Variants in RUNX1 observed in about 807,000 individuals in gnomAD.
RUNX1 encodes the protein RUNX family transcription factor 1.
Under a neutral mutation model 42.8 loss-of-function variants are expected in RUNX1, and 19 were observed. The ratio of observed to expected loss-of-function variants is 0.44; its 90% CI spans 0.31 to 0.65. RUNX1 has a LOEUF of 0.65. RUNX1 is among the 30% of genes least tolerant of loss of function. The pLI is 0.07. For synonymous variants in RUNX1, 271 were observed against 289.4 expected (o/e 0.94, Z 0.64); for missense variants, 528 against 672.0 (o/e 0.79, Z 2.37).
chr21:34,987,190 G>C (rs1307408076), intron 2 of RUNX1, among the ~76,000 whole-genome samples: 1 of 152,208 alleles, frequency 6.6e-6, no homozygotes, highest in African/African-American at 2.4e-5. Flanking sequence ...TGGTTTCCAG[G>C]TCAGACAGTC....
chr21:34,893,596 C>A (rs573832753), intron 2 of RUNX1, among the ~76,000 whole-genome samples: 1 of 152,178 alleles, frequency 6.6e-6, no homozygotes, highest in South Asian at 2.1e-4. Flanking sequence ...CTTTTTCTTT[C>A]CTTTGAATAT....
intron 5 of RUNX1, among the ~76,000 whole-genome samples, chr21:34,864,149 G>A (rs1284119343): frequency 6.6e-6 from 1 of 152,198 alleles, no homozygotes; most frequent in Non-Finnish European, 1.5e-5. Context: ...CCCTCTCTGT[G>A]GCCCCACCCC....
In RUNX1 at chr21:34,907,099, G is replaced by A. The variant is rs1265923810; in HGVS notation, c.59-14136C>T. ...TGATCGTGTATTCAAAGTCAGCCAG[G>A]AGGGTCATGTGCCCCCTTCAGTGAA... On this transcript the variant is annotated intron_variant, in intron 2 of 8. Coordinates refer to ENST00000675419, the MANE Select transcript of RUNX1 (RefSeq NM_001754.5). This position sits in a 1 kb window ranked among gnomAD's most constrained non-coding sequence, Gnocchi z 5.3. Among the ~76,000 whole-genome samples the A allele has an allele frequency of 6.6e-6, 1 of 152,146 alleles. No homozygotes were observed. The highest frequency in any genetic ancestry group is 1.5e-5 in the Non-Finnish European group (1 of 68,036).
At chr21:35,004,580 T>C (rs1002328512) in intron 2 of RUNX1, among the ~76,000 whole-genome samples, 1 of 152,188 alleles carries the variant, frequency 6.6e-6, no homozygotes, top group African/African-American at 2.4e-5. Context: ...TTTGATCCTG[T>C]TTTTATCACC....
intron 5 of RUNX1, among the ~76,000 whole-genome samples, chr21:34,870,617 A>G (rs991547506): frequency 6.6e-6 from 1 of 152,202 alleles, no homozygotes; most frequent in Non-Finnish European, 1.5e-5. Context: ...CACAGTGGGG[A>G]AGCCAGTAAA....
chr21:34,999,041 T>C (rs529695451), intron 2 of RUNX1, among the ~76,000 whole-genome samples: 2 of 152,264 alleles, frequency 1.3e-5, no homozygotes, highest in South Asian at 4.1e-4. Context: ...GGTCTGTTCT[T>C]AGGTGAAATA....
intron 2 of RUNX1, among the ~76,000 whole-genome samples, chr21:34,925,120 C>A (rs956373552): frequency 2.0e-5 from 3 of 152,128 alleles, no homozygotes; most frequent in Admixed American, 6.6e-5. Flanking sequence ...TATGCAGGTG[C>A]AATGAAGTCC....
rs148057004 is a variant in RUNX1, at chr21:35,036,396, C to T, written c.58+12446G>A. ...GCCAGCCCCCTGCATTTCCATTGAT[C>T]AGGGCACTCACATGGCTGGCTGTGA... On this transcript the variant is annotated intron_variant, in intron 2 of 8. Coordinates refer to ENST00000675419, the MANE Select transcript of RUNX1 (RefSeq NM_001754.5). Among the ~76,000 whole-genome samples, 184 of 152,256 alleles carry T rather than the reference C, an allele frequency of 1.2e-3. 2 individuals are homozygous for T. The East Asian group carries it at 0.028, about 23-fold the overall frequency.
At chr21:34,846,569 C>A (rs916316246) in intron 6 of RUNX1, among the ~76,000 whole-genome samples, 1 of 150,770 alleles carries the variant, frequency 6.6e-6, no homozygotes, top group Non-Finnish European at 1.5e-5. Flanking sequence ...ATCTGAGGGT[C>A]TAAGAGGAGA....
rs907313469 is a variant in RUNX1 at position 34,936,103 on chromosome 21, C to A, written c.59-43140G>T. Among the ~76,000 whole-genome samples, 4 of 150,402 alleles carry A rather than the reference C, an allele frequency of 2.7e-5. No homozygotes were observed. The East Asian group carries it at 6.0e-4, about 23-fold the overall frequency. ...GGAGACCCCCCTTCCCAGAAGCCCC[C>A]CTTTGAATCACAACACATATGTGAG... On this transcript the variant is annotated intron_variant, in intron 2 of 8. Transcript: ENST00000675419.
chr21:34,799,467 A>G lies in RUNX1; in HGVS notation c.806-5T>C. 2.5e-6 allele frequency: 4 copies of G among 1,613,846 alleles called. No individual in the cohort carries two copies. The highest frequency in any genetic ancestry group is 3.4e-6 in the Non-Finnish European group (4 of 1,179,728). ...ATGGTTGGATCTGCCTTGTATCTGA[A>G]GAGAATCAGAAAGGTCAATTATATG... is the stretch of plus-strand genomic sequence containing the variant. On this transcript the variant is annotated splice_polypyrimidine_tract_variant and splice_region_variant and intron_variant, in intron 7 of 8. Transcript: ENST00000675419.
intron 5 of RUNX1, among the ~76,000 whole-genome samples, chr21:34,874,113 G>T (rs1392812480): frequency 6.8e-6 from 1 of 147,190 alleles, no homozygotes; most frequent in Non-Finnish European, 1.5e-5. Flanking sequence ...TGGAAGTATG[G>T]ATATTCTCAT....
intron 5 of RUNX1, among the ~76,000 whole-genome samples, chr21:34,878,230 T>C (rs2146345228): frequency 6.6e-6 from 1 of 150,754 alleles, no homozygotes; most frequent in South Asian, 2.1e-4. Flanking sequence ...GGCTTTGGTG[T>C]TGACACTTAC....
At chr21:34,834,718 C>T in intron 6 of RUNX1, 117 bp from the exon 7 acceptor site, 1 of 870,908 alleles carries the variant, frequency 1.1e-6, no homozygotes, top group Non-Finnish European at 1.8e-6. Context: ...TCCCCTCTCT[C>T]TCCCCTCACC....
intron 7 of RUNX1, among the ~76,000 whole-genome samples, chr21:34,826,859 G>A (rs1293168699): frequency 6.6e-6 from 1 of 152,216 alleles, no homozygotes; most frequent in Non-Finnish European, 1.5e-5. Flanking sequence ...ATACCTGAAA[G>A]TGTGTAAGTG....
At chr21:35,015,081 T>G (rs183433085) in intron 2 of RUNX1, among the ~76,000 whole-genome samples, 28 of 152,290 alleles carry the variant, frequency 1.8e-4, no homozygotes, top group Non-Finnish European at 3.1e-4. Context: ...GGCAGCAACG[T>G]GGAGTGAATA....
At chr21:34,949,901 T>C (rs569513745) in intron 2 of RUNX1, among the ~76,000 whole-genome samples, 1 of 152,214 alleles carries the variant, frequency 6.6e-6, no homozygotes, top group Non-Finnish European at 1.5e-5. Context: ...CCATGTGATG[T>C]CCCTCCGAAC....
At chr21:34,963,890 A>G (rs1156917651) in intron 2 of RUNX1, among the ~76,000 whole-genome samples, 2 of 152,194 alleles carry the variant, frequency 1.3e-5, no homozygotes, top group Non-Finnish European at 2.9e-5. Context: ...AGCCTGGCAC[A>G]AGCAAGCAGC....
In RUNX1 at chr21:34,878,460, G is replaced by A. The variant is rs554331438; in HGVS notation, c.508+2097C>T. On this transcript the variant is annotated intron_variant, in intron 5 of 8. Transcript: ENST00000675419. Reference sequence around the variant, plus strand: ...ACAATTGGGTCAAATGTTCCATTAGGGTTTCCGTATTTTTTATTGCTTATT... The same window carrying A: ...ACAATTGGGTCAAATGTTCCATTAGAGTTTCCGTATTTTTTATTGCTTATT... Among the ~76,000 whole-genome samples the A allele has an allele frequency of 4.9e-4, 75 of 151,708 alleles. No homozygotes were observed. The South Asian group carries it at 7.5e-3, about 15-fold the overall frequency.
Sources: allele counts gnomAD v4.1 joint callset (sites outside exome capture counted in the v4.1 genomes callset), GRCh38; gene constraint gnomAD v4.1.1; non-coding constraint Gnocchi (gnomAD v3.1); transcripts MANE v1.5; gene names NCBI Gene and HGNC (gene_info 2026-07-23, HGNC 2026-07-21).